Variants in UHRF2 observed in about 807,000 individuals in gnomAD.
The protein encoded by UHRF2 is E3 ubiquitin-protein ligase UHRF2.
A neutral mutation model predicts 96.8 loss-of-function variants in UHRF2; 23 were observed. The ratio of observed to expected loss-of-function variants is 0.24; its 90% CI spans 0.17 to 0.34. UHRF2 has a LOEUF of 0.34. Among genes scored for constraint, UHRF2 ranks in the 10% least tolerant of loss-of-function variants. The pLI is 1.00. For missense variants in UHRF2, 685 were observed against 981.5 expected (o/e 0.70, Z 4.04); for synonymous variants, 385 against 332.6 (o/e 1.16, Z -1.72).
In UHRF2 at chr9:6,485,304, T is replaced by A. The variant is rs575754457; in HGVS notation, c.1393-1517T>A. ...AAAATACACTTTGTGTATTTCTAAT[T>A]GCCTTATTTTTTTGCATCTTTTTTC... On this transcript the variant is annotated intron_variant, in intron 8 of 15. Transcript: ENST00000276893. Among the ~76,000 whole-genome samples, 6 of 152,314 alleles carry A rather than the reference T, an allele frequency of 3.9e-5. No homozygotes were observed. The South Asian group carries it at 1.0e-3, about 26-fold the overall frequency.
At chr9:6,472,137 C>T (rs778225234) in intron 4 of UHRF2, among the ~76,000 whole-genome samples, 5 of 152,128 alleles carry the variant, frequency 3.3e-5, no homozygotes, top group South Asian at 4.1e-4. Flanking sequence ...TTACAGTTAC[C>T]GCTACCATCT....
chr9:6,433,805 C>A, intron 2 of UHRF2, 109 bp from the exon 3 acceptor site: 1 of 1,120,070 alleles, frequency 8.9e-7, no homozygotes, highest in South Asian at 1.6e-5. Context: ...ACATGAGTAG[C>A]TGCAAATATT....
intron 3 of UHRF2, among the ~76,000 whole-genome samples, chr9:6,455,418 T>C (rs1004487016): frequency 2.6e-5 from 4 of 152,200 alleles, no homozygotes; most frequent in African/African-American, 4.8e-5. Flanking sequence ...GATAGTTTGC[T>C]GAGAATGATG....
intron 3 of UHRF2, among the ~76,000 whole-genome samples, chr9:6,435,292 C>T (rs1820775468): frequency 6.6e-6 from 1 of 151,986 alleles, no homozygotes; most frequent in Non-Finnish European, 1.5e-5. Flanking sequence ...CCACACCTGG[C>T]CGGCTAATTT....
chr9:6,445,981 C>CTTTTTTTTTTTTTTTTTTTTTT (rs57147850), intron 3 of UHRF2, among the ~76,000 whole-genome samples: 6 of 78,896 alleles, frequency 7.6e-5, no homozygotes, highest in African/African-American at 2.1e-4. Flanking sequence ...CCCCGCCACC[C>CTTTTTTTTTTTTTTTTTTTTTT]TTTTTTTTTT....
Position 6,506,472 on chromosome 9 carries a change from A to C in UHRF2, c.*293A>C, listed in dbSNP as rs2130984863. 4.6e-6 allele frequency: 1 copy of C among 218,350 alleles called. No individual in the cohort carries two copies. The highest frequency in any genetic ancestry group is 1.7e-4 in the South Asian group (1 of 5,924). 13.5% of individuals were successfully genotyped at this position (218,350 alleles called of 1,614,324 possible). On this transcript the variant is annotated 3_prime_UTR_variant, in exon 16 of 16. Transcript: ENST00000276893. ...TTATTTTGCAACTACCTCAGGACAGAAAAGATTTATGGGGATTTTAAAAAT... is the reference window on the plus strand; with the variant it reads ...TTATTTTGCAACTACCTCAGGACAGCAAAGATTTATGGGGATTTTAAAAAT...
chr9:6,466,645 A>C (rs904045026), intron 4 of UHRF2, among the ~76,000 whole-genome samples: 1 of 151,524 alleles, frequency 6.6e-6, no homozygotes, highest in East Asian at 1.9e-4. Flanking sequence ...TTTCATACTT[A>C]AGAAATTTCT....
At chr9:6,448,239 A>G (rs191686641) in intron 3 of UHRF2, among the ~76,000 whole-genome samples, 4 of 152,366 alleles carry the variant, frequency 2.6e-5, no homozygotes, top group Non-Finnish European at 5.9e-5. Context: ...TAAATTAATG[A>G]TAGGTACATA....
chr9:6,506,297 C>A lies in UHRF2; in HGVS notation c.*118C>A. ...TCTCTCACGTTCTGAAGCAGCTAAT[C>A]CTCTTTCCCACATAGCCATCATCTT... On this transcript the variant is annotated 3_prime_UTR_variant, in exon 16 of 16. Coordinates refer to ENST00000276893, the MANE Select transcript of UHRF2 (RefSeq NM_152896.3). 7.5e-7 allele frequency: 1 copy of A among 1,330,948 alleles called. No individual in the cohort carries two copies. 82.4% of individuals were successfully genotyped at this position (1,330,948 alleles called of 1,614,324 possible).
At chr9:6,434,778 G>C (rs1041927343) in intron 3 of UHRF2, among the ~76,000 whole-genome samples, 1 of 151,910 alleles carries the variant, frequency 6.6e-6, no homozygotes, top group African/African-American at 2.4e-5. Context: ...CAGTATTTTG[G>C]AAACTGTATT....
chr9:6,500,052 A>C, intron 13 of UHRF2, 121 bp downstream of exon 13: 1 of 733,194 alleles, frequency 1.4e-6, no homozygotes, highest in Non-Finnish European at 2.3e-6. Context: ...GGCTCACTGT[A>C]GCCTTGACCT....
intron 4 of UHRF2, among the ~76,000 whole-genome samples, chr9:6,465,639 A>G (rs1222318267): frequency 6.6e-6 from 1 of 152,006 alleles, no homozygotes; most frequent in East Asian, 1.9e-4. Flanking sequence ...TTATTTCTGA[A>G]TTTAGTTTGT....
At chr9:6,458,622 T>G (rs1822326973) in intron 3 of UHRF2, among the ~76,000 whole-genome samples, 1 of 152,156 alleles carries the variant, frequency 6.6e-6, no homozygotes, top group Admixed American at 6.5e-5. Context: ...ATACTGTTGG[T>G]GGGAGTGTAA....
chr9:6,469,981 C>G (rs1376599831), intron 4 of UHRF2, among the ~76,000 whole-genome samples: 1 of 151,932 alleles, frequency 6.6e-6, no homozygotes, highest in African/African-American at 2.4e-5. Flanking sequence ...AACAAGAATG[C>G]TAAAAACTAA....
At chr9:6,453,364 A>T (rs1307594617) in intron 3 of UHRF2, among the ~76,000 whole-genome samples, 1 of 152,202 alleles carries the variant, frequency 6.6e-6, no homozygotes, top group East Asian at 1.9e-4. Context: ...GTTATTTAAA[A>T]ACATACAGAA....
intron 2 of UHRF2, among the ~76,000 whole-genome samples, chr9:6,426,196 C>A (rs1404863531): frequency 2.0e-5 from 3 of 152,168 alleles, no homozygotes; most frequent in African/African-American, 4.8e-5. Context: ...CTCAGGAGGT[C>A]TTTGCTTTTT....
chr9:6,448,791 AGACT>A (rs1309072781), intron 3 of UHRF2, among the ~76,000 whole-genome samples: 2 of 152,250 alleles, frequency 1.3e-5, no homozygotes, highest in African/African-American at 4.8e-5. Flanking sequence ...GGCAGTAGAC[AGACT>A]ACTTGTCTTC....
chr9:6,497,711 A>T (rs556915994), intron 11 of UHRF2, among the ~76,000 whole-genome samples: 1 of 152,298 alleles, frequency 6.6e-6, no homozygotes, highest in East Asian at 1.9e-4. Context: ...AGCACATCAT[A>T]GTAATAGATT....
rs1291512635 is a variant in UHRF2, at chr9:6,475,509, T to G, written c.973+9T>G. The G allele has an allele frequency of 6.4e-7, 1 of 1,567,948 alleles. No homozygotes were observed. The highest frequency in any genetic ancestry group is 8.7e-7 in the Non-Finnish European group (1 of 1,154,280). On this transcript the variant is annotated intron_variant, in intron 5 of 15. Coordinates refer to ENST00000276893, the MANE Select transcript of UHRF2 (RefSeq NM_152896.3). The stretch of plus-strand genomic sequence containing the variant: ...AGATGGAAAGTTTTTAAGTATGGAT[T>G]TTTGTTTTTGGTCTTAGACTACATG...
Sources: gnomAD v4.1 joint callset for allele counts (sites outside exome capture counted in the v4.1 genomes callset) on GRCh38, gnomAD v4.1.1 for gene constraint, MANE v1.5 for transcripts, NCBI Gene and HGNC (gene_info 2026-07-23, HGNC 2026-07-21) for gene names.